Variants in CSMD1 observed in about 807,000 individuals in gnomAD.
The protein encoded by CSMD1 is CUB and Sushi multiple domains 1.
In CSMD1, 213 loss-of-function variants were observed where a neutral mutation model predicts 417.5. That is an observed-to-expected ratio of 0.51 (90% confidence interval 0.46 to 0.57). CSMD1 has a LOEUF of 0.57. CSMD1 is among the 20% of genes least tolerant of loss of function. The probability of loss-of-function intolerance (pLI) is 0.00; values close to 1 mark genes in which losing one functional copy is unlikely to be tolerated. For synonymous variants in CSMD1, 2,862 were observed against 1,736.8 expected, an observed-to-expected ratio of 1.65 and a Z score of -16.11; for missense variants, 6,923 against 4,529.7, an observed-to-expected ratio of 1.53 and a Z score of -15.17.
At chr8:4,243,475 G>A (rs967433310) in intron 3 of CSMD1, among the ~76,000 whole-genome samples, 2 of 152,066 alleles carry the variant, frequency 1.3e-5, no homozygotes, top group African/African-American at 2.4e-5. Flanking sequence ...TAGCCAGTAT[G>A]TCTACTCAAA....
At chr8:3,499,850 G>C (rs1313986281) in intron 10 of CSMD1, among the ~76,000 whole-genome samples, 2 of 152,104 alleles carry the variant, frequency 1.3e-5, no homozygotes, top group South Asian at 2.1e-4. Context: ...TACTCTGATA[G>C]TTCTTCTGTC....
intron 3 of CSMD1, among the ~76,000 whole-genome samples, chr8:4,040,985 C>G (rs572531988): frequency 1.4e-5 from 2 of 144,054 alleles, no homozygotes; most frequent in Non-Finnish European, 3.0e-5. Context: ...CTCACGTGGT[C>G]CTATATTTTC....
chr8:4,791,567 G>C lies in CSMD1; in HGVS notation c.86-154009C>G, dbSNP rs533546462. Among the ~76,000 whole-genome samples, 4 of 152,274 alleles carry C rather than the reference G, an allele frequency of 2.6e-5. No homozygotes were observed. The East Asian group carries it at 7.7e-4, about 29-fold the overall frequency. On this transcript the variant is annotated intron_variant, in intron 1 of 69. Coordinates refer to ENST00000635120, the MANE Select transcript of CSMD1 (RefSeq NM_033225.6). ...AAAATGTTTTGTCTCTTTTTGGCTA[G>C]AAACTAACGTGAGGAAATCTGAAGC...
chr8:3,329,513 C>T (rs1286100754), intron 23 of CSMD1, among the ~76,000 whole-genome samples: 1 of 152,184 alleles, frequency 6.6e-6, no homozygotes, highest in Non-Finnish European at 1.5e-5. Flanking sequence ...TAGTTAACAT[C>T]TTTTCCCCAT....
intron 50 of CSMD1, among the ~76,000 whole-genome samples, chr8:3,037,560 G>T (rs1483273029): frequency 6.6e-6 from 1 of 152,124 alleles, no homozygotes; most frequent in Non-Finnish European, 1.5e-5. Flanking sequence ...ATAAACATGG[G>T]TGTGCATGTG....
intron 2 of CSMD1, among the ~76,000 whole-genome samples, chr8:4,609,436 G>C (rs1447926570): frequency 1.3e-5 from 2 of 152,052 alleles, no homozygotes; most frequent in South Asian, 2.1e-4. Context: ...ATGATCTAAA[G>C]CCTCATTCCT....
At chr8:3,891,496 A>G (rs370025992) in intron 5 of CSMD1, among the ~76,000 whole-genome samples, 110 of 152,240 alleles carry the variant, frequency 7.2e-4, no homozygotes, top group African/African-American at 2.4e-3. Context: ...CCTGGACAAC[A>G]TAACAAGACC....
At chr8:3,041,199 T>G (rs111330924) in intron 50 of CSMD1, among the ~76,000 whole-genome samples, 1,754 of 152,290 alleles carry the variant, frequency 0.012, 28 homozygotes, top group African/African-American at 0.04. Flanking sequence ...TTTACAGGGT[T>G]AAAGCAAATA....
At chr8:4,573,008 G>T (rs1207388696) in intron 2 of CSMD1, among the ~76,000 whole-genome samples, 1 of 152,144 alleles carries the variant, frequency 6.6e-6, no homozygotes, top group African/African-American at 2.4e-5. Flanking sequence ...ATTCAAGTGA[G>T]CAGTTCCTGT....
At chr8:3,015,420 G>A (rs1411905861) in intron 52 of CSMD1, among the ~76,000 whole-genome samples, 1 of 152,008 alleles carries the variant, frequency 6.6e-6, no homozygotes, top group African/African-American at 2.4e-5. Flanking sequence ...AGTTTTGGGG[G>A]TTGTTTTGTT....
intron 1 of CSMD1, among the ~76,000 whole-genome samples, chr8:4,962,317 C>T (rs1809553055): frequency 6.6e-6 from 1 of 151,930 alleles, no homozygotes; most frequent in African/African-American, 2.4e-5. Context: ...CTCAAAAGAG[C>T]TTCCCATCTT....
intron 1 of CSMD1, among the ~76,000 whole-genome samples, chr8:4,777,393 G>T (rs1013556186): frequency 1.8e-4 from 27 of 152,172 alleles, no homozygotes; most frequent in African/African-American, 6.5e-4. Flanking sequence ...AAGAGAGAGA[G>T]ATGTCTCAGG....
At chr8:3,738,683 G>A (rs1272660383) in intron 6 of CSMD1, among the ~76,000 whole-genome samples, 1 of 152,164 alleles carries the variant, frequency 6.6e-6, no homozygotes. Context: ...TCTTTCTACT[G>A]AATGCACACA....
chr8:3,131,168 G>C (rs1028628397), intron 41 of CSMD1, among the ~76,000 whole-genome samples: 1 of 152,072 alleles, frequency 6.6e-6, no homozygotes, highest in Non-Finnish European at 1.5e-5. Context: ...GTGCGATAAA[G>C]CAAAATTTGT....
intron 3 of CSMD1, among the ~76,000 whole-genome samples, chr8:4,333,478 A>C (rs986183694): frequency 3.3e-5 from 5 of 152,172 alleles, no homozygotes; most frequent in African/African-American, 9.6e-5. Context: ...CTTGGAAATT[A>C]TATTAGTATG....
At chr8:4,810,989 T>C (rs551161903) in intron 1 of CSMD1, among the ~76,000 whole-genome samples, 3 of 152,304 alleles carry the variant, frequency 2.0e-5, no homozygotes, top group East Asian at 1.9e-4. Context: ...GAGATATTTG[T>C]TGTAAGAGTT....
chr8:3,313,971 G>C (rs1013253854), intron 23 of CSMD1, among the ~76,000 whole-genome samples: 1 of 152,104 alleles, frequency 6.6e-6, no homozygotes, highest in African/African-American at 2.4e-5. Flanking sequence ...TCCTTTGTAG[G>C]GACATGGATG....
Position 3,396,251 on chromosome 8 carries a change from G to C in CSMD1, c.2536C>G (p.Leu846Val), listed in dbSNP as rs374114677. 32 of 1,581,120 alleles carry C rather than the reference G, an allele frequency of 2.0e-5. No individual in the cohort carries two copies. The African/African-American group carries it at 3.8e-4, about 19-fold the overall frequency. ...FLISTGNFMY[L>V]LFTTDNSRSS... Reference sequence around the variant, plus strand: ...CGGCTGTTGTCAGTGGTGAACAGCAGGTACATGAAGTTCCCGGTGCTGATG... The same window carrying C: ...CGGCTGTTGTCAGTGGTGAACAGCACGTACATGAAGTTCCCGGTGCTGATG... The change falls in exon 17 of 70, where the codon CTG becomes GTG. Residue 846 changes from leucine (L) to valine (V), a missense_variant. Coordinates refer to ENST00000635120, the MANE Select transcript of CSMD1 (RefSeq NM_033225.6).
chr8:3,171,511 G>C (rs1820581953), intron 37 of CSMD1, among the ~76,000 whole-genome samples: 1 of 152,170 alleles, frequency 6.6e-6, no homozygotes. Flanking sequence ...GGTTGGCTAA[G>C]TCACAGAGCC....
Sources: gnomAD v4.1 joint callset for allele counts (sites outside exome capture counted in the v4.1 genomes callset) on GRCh38, gnomAD v4.1.1 for gene constraint, MANE v1.5 for transcripts, NCBI Gene and HGNC (gene_info 2026-07-23, HGNC 2026-07-21) for gene names.